DCT: variants seen among roughly 807,000 people sequenced by gnomAD.
DCT encodes the protein dopachrome tautomerase.
In DCT, 47 loss-of-function variants were observed where a neutral mutation model predicts 53.0. The ratio of observed to expected loss-of-function variants is 0.89; its 90% confidence interval spans 0.70 to 1.13. The LOEUF (loss-of-function observed/expected upper bound fraction) is 1.13. Among genes scored for constraint, DCT ranks in the 50% most tolerant of loss-of-function variants. The probability of loss-of-function intolerance (pLI) is 0.00; values close to 1 mark genes in which losing one functional copy is unlikely to be tolerated. For synonymous variants in DCT, 244 were observed against 237.0 expected (o/e 1.03, Z -0.27); for missense variants, 669 against 637.4 (o/e 1.05, Z -0.53).
At chr13:94,477,110 T>G (rs959096555) in intron 1 of DCT, among the ~76,000 whole-genome samples, 7 of 152,148 alleles carry the variant, frequency 4.6e-5, no homozygotes, top group African/African-American at 1.2e-4. Flanking sequence ...TTTATTTATT[T>G]TTTTGAGACA....
chr13:94,441,488 T>C lies in DCT; in HGVS notation c.1382-1412A>G, dbSNP rs545403603. Among the ~76,000 whole-genome samples, 6 of 152,308 alleles carry C rather than the reference T, an allele frequency of 3.9e-5. 1 individual carries two copies. The South Asian group carries it at 1.2e-3, about 32-fold the overall frequency. ...TCAGAACCTTTATATCTTGCAAAAC[T>C]GATACATTGTGCCCACCAAACAGTA... On this transcript the variant is annotated intron_variant, in intron 7 of 7. Coordinates refer to ENST00000377028, the MANE Select transcript of DCT (RefSeq NM_001922.5).
chr13:94,487,898 A>G, the DCT span, among the ~76,000 whole-genome samples: 1 of 151,374 alleles, frequency 6.6e-6, no homozygotes, highest in Non-Finnish European at 1.5e-5. Context: ...GGTGGTATGA[A>G]TTGTTCTTCA....
the DCT span, among the ~76,000 whole-genome samples, chr13:94,544,608 A>C: frequency 6.6e-6 from 1 of 152,222 alleles, no homozygotes; most frequent in Admixed American, 6.5e-5. Flanking sequence ...AAGATGATCC[A>C]TTAGAAAAGG....
At chr13:94,485,596 A>C in the DCT span, among the ~76,000 whole-genome samples, 1 of 152,224 alleles carries the variant, frequency 6.6e-6, no homozygotes, top group Non-Finnish European at 1.5e-5. Flanking sequence ...TAAATGAACC[A>C]TCATCTATAG....
chr13:94,539,522 C>A, the DCT span, among the ~76,000 whole-genome samples: 1 of 152,106 alleles, frequency 6.6e-6, no homozygotes, highest in African/African-American at 2.4e-5. Flanking sequence ...TAAACCTGCG[C>A]AACAAATCAG....
chr13:94,483,794 G>A (rs1053646981), upstream of DCT, among the ~76,000 whole-genome samples: 16 of 152,056 alleles, frequency 1.1e-4, no homozygotes, highest in Admixed American at 6.5e-5. Context: ...GTGAGCCACC[G>A]TGCCCGGCCC....
chr13:94,467,243 C>T (rs887386720), intron 2 of DCT: 1 of 152,212 alleles, frequency 6.6e-6, no homozygotes, highest in Admixed American at 6.5e-5. Context: ...TACATTCAAG[C>T]CATTTAGGCT....
chr13:94,487,775 A>G, the DCT span, among the ~76,000 whole-genome samples: 1 of 152,114 alleles, frequency 6.6e-6, no homozygotes, highest in East Asian at 1.9e-4. Context: ...TTGCTGCCTC[A>G]TCATGGGGAA....
the DCT span, among the ~76,000 whole-genome samples, chr13:94,512,725 C>T: frequency 3.9e-5 from 6 of 151,950 alleles, no homozygotes; most frequent in Non-Finnish European, 5.9e-5. Context: ...TATATATACA[C>T]ACACACACAT....
At chr13:94,495,601 A>G in the DCT span, among the ~76,000 whole-genome samples, 78 of 152,358 alleles carry the variant, frequency 5.1e-4, 1 homozygote, top group Non-Finnish European at 1.0e-3. Flanking sequence ...TAAGATGCAA[A>G]AATTCAAAGA....
At chr13:94,447,722 T>C (rs1238199116) in intron 6 of DCT, among the ~76,000 whole-genome samples, 1 of 152,212 alleles carries the variant, frequency 6.6e-6, no homozygotes, top group Non-Finnish European at 1.5e-5. Context: ...CAAATTGTGA[T>C]GACAGAAAGA....
chr13:94,472,567 T>A (rs1190908156), intron 1 of DCT, among the ~76,000 whole-genome samples: 2 of 20,018 alleles, frequency 1.0e-4, no homozygotes, highest in African/African-American at 4.6e-4. Flanking sequence ...TATATATATA[T>A]ATTTTTTTTT....
At chr13:94,514,143 G>A in the DCT span, among the ~76,000 whole-genome samples, 4 of 152,224 alleles carry the variant, frequency 2.6e-5, no homozygotes, top group East Asian at 1.9e-4. Flanking sequence ...AAAAGCCATC[G>A]ACACTTAGCT....
At chr13:94,450,512 C>A (rs1462670712) in intron 6 of DCT, among the ~76,000 whole-genome samples, 1 of 151,968 alleles carries the variant, frequency 6.6e-6, no homozygotes, top group East Asian at 1.9e-4. Context: ...TGTATAATAG[C>A]CTTGTATACT....
intron 5 of DCT, among the ~76,000 whole-genome samples, chr13:94,460,762 A>T (rs898976649): frequency 6.6e-6 from 1 of 152,090 alleles, no homozygotes; most frequent in African/African-American, 2.4e-5. Context: ...CCTGGCTCTA[A>T]AAAAAAGAAA....
chr13:94,455,734 T>C (rs1030954159), intron 6 of DCT, among the ~76,000 whole-genome samples: 8 of 152,214 alleles, frequency 5.3e-5, no homozygotes, highest in Admixed American at 5.2e-4. Flanking sequence ...GGTTTAGCAA[T>C]CCTGGAGACT....
intron 6 of DCT, among the ~76,000 whole-genome samples, chr13:94,451,885 C>T (rs2139300098): frequency 6.6e-6 from 1 of 151,976 alleles, no homozygotes; most frequent in South Asian, 2.1e-4. Context: ...GGACGAATTA[C>T]TTTCCCTAAT....
At chr13:94,443,334 C>A in intron 7 of DCT, 102 bp downstream of exon 7, 1 of 942,832 alleles carries the variant, frequency 1.1e-6, no homozygotes, top group Non-Finnish European at 1.6e-6. Flanking sequence ...GACCTGAAAG[C>A]TTCGGCTAAA....
chr13:94,459,995 C>G, intron 6 of DCT, 96 bp downstream of exon 6: 1 of 1,289,628 alleles, frequency 7.8e-7, no homozygotes, highest in South Asian at 1.3e-5. Flanking sequence ...ATTGTTCACA[C>G]AGAGAATAAA....
Sources: allele counts gnomAD v4.1 joint callset (sites outside exome capture counted in the v4.1 genomes callset), GRCh38; gene constraint gnomAD v4.1.1; transcripts MANE v1.5; gene names NCBI Gene and HGNC (gene_info 2026-07-23, HGNC 2026-07-21).